SEPTIN4: variants seen among roughly 807,000 people sequenced by gnomAD.
SEPTIN4 encodes the protein septin-4.
In SEPTIN4, 52 loss-of-function variants were observed where a neutral mutation model predicts 107.1. That is an observed-to-expected ratio of 0.49 (90% CI 0.39 to 0.61). The LOEUF (loss-of-function observed/expected upper bound fraction) is 0.61, where lower values mean the gene tolerates loss of function less well. Ranked by LOEUF, SEPTIN4 falls within the 20% of genes least tolerant of loss-of-function variation. SEPTIN4 has a pLI of 0.00. For missense variants in SEPTIN4, 1,048 were observed against 1,243.5 expected (o/e 0.84, Z 2.36); for synonymous variants, 417 against 467.0 (o/e 0.89, Z 1.38).
chr17:58,541,606 G>T, intron 2 of SEPTIN4: 3 of 592,490 alleles, frequency 5.1e-6, no homozygotes, highest in Non-Finnish European at 8.5e-6. Flanking sequence ...GGTTTGCTTT[G>T]GTGTATTTTT....
Position 58,520,499 on chromosome 17 carries a change from A to G in SEPTIN4, c.2932-14T>C. ...CATCCGCCGCAGCTGGAATAGGCAC[A>G]GGCATCAAAATGGGGACTTTTGGAG... On this transcript the variant is annotated splice_polypyrimidine_tract_variant and intron_variant, in intron 13 of 13. Transcript: ENST00000672673. 6.2e-7 allele frequency: 1 copy of G among 1,613,634 alleles called. No individual in the cohort carries two copies. Among genetic ancestry groups the G allele is most frequent in the Non-Finnish European group, 8.5e-7 (1 of 1,179,898 alleles).
intron 3 of SEPTIN4, among the ~76,000 whole-genome samples, chr17:58,534,323 C>G (rs1325213060): frequency 6.6e-6 from 1 of 152,236 alleles, no homozygotes; most frequent in African/African-American, 2.4e-5. Flanking sequence ...GGCCTGGGCA[C>G]AAGTCCCATG....
chr17:58,535,225 G>A (rs1038419690), intron 3 of SEPTIN4, among the ~76,000 whole-genome samples: 2 of 152,248 alleles, frequency 1.3e-5, no homozygotes, highest in African/African-American at 4.8e-5. Flanking sequence ...CTGGGGGCAG[G>A]CATAAGGTGT....
chr17:58,532,159 G>C (rs897135699), intron 3 of SEPTIN4: 265 of 1,004,980 alleles, frequency 2.6e-4, no homozygotes, highest in Non-Finnish European at 3.0e-4. Flanking sequence ...TAGCGGTGCC[G>C]GCGCGAAGTG....
chr17:58,541,173 C>G (rs2043866599), intron 2 of SEPTIN4, among the ~76,000 whole-genome samples: 1 of 152,160 alleles, frequency 6.6e-6, no homozygotes, highest in South Asian at 2.1e-4. Flanking sequence ...ATGGAATTCC[C>G]AGGGCTCTCT....
At chr17:58,525,673 G>A (rs577205516) in intron 6 of SEPTIN4, 22 bp downstream of exon 6, 3 of 1,604,398 alleles carry the variant, frequency 1.9e-6, no homozygotes, top group Middle Eastern at 1.7e-4. Flanking sequence ...AAGTCTGCCT[G>A]ATTGTCCTCT....
rs141099292 is a variant in SEPTIN4, at chr17:58,521,461, C to T, written c.2571+84G>A. 4 of 1,570,082 alleles carry T rather than the reference C, an allele frequency of 2.5e-6. No individual in the cohort carries two copies. Among genetic ancestry groups the T allele is most frequent in the Admixed American group, 3.4e-5 (2 of 59,666 alleles). On this transcript the variant is annotated intron_variant, in intron 10 of 13. Transcript: ENST00000672673. The surrounding 1 kb of genome is among the most constrained non-coding windows in gnomAD (Gnocchi z 6.4). Reference sequence around the variant, plus strand: ...TAGGAAGCCAGGGTCCTTTCCCACCCTGATAGCCTGAATATAGAATTCTAC... The same window carrying T: ...TAGGAAGCCAGGGTCCTTTCCCACCTTGATAGCCTGAATATAGAATTCTAC...
At chr17:58,525,657 C>G (rs1263468884) in intron 6 of SEPTIN4, 38 bp downstream of exon 6, 2 of 1,579,150 alleles carry the variant, frequency 1.3e-6, no homozygotes, top group Non-Finnish European at 1.7e-6. Context: ...TTTAATTTCC[C>G]AAGGCAAGTC....
rs1177292087 is a variant in SEPTIN4, at chr17:58,524,180, C to T, written c.2216+898G>A. On this transcript the variant is annotated intron_variant, in intron 7 of 13. Transcript: ENST00000672673. ...TCTCATCCATTTCCCTCTTCATCTACTCACTTAGGTCTGACCATTACCTAA... is the reference window on the plus strand; with the variant it reads ...TCTCATCCATTTCCCTCTTCATCTATTCACTTAGGTCTGACCATTACCTAA... Among the ~76,000 whole-genome samples, 2 of 152,202 alleles carry T rather than the reference C, an allele frequency of 1.3e-5. 1 individual carries two copies. Among genetic ancestry groups the T allele is most frequent in the South Asian group, 4.1e-4 (2 of 4,834 alleles).
chr17:58,537,211 A>G (rs2043741681), intron 3 of SEPTIN4, among the ~76,000 whole-genome samples: 1 of 152,232 alleles, frequency 6.6e-6, no homozygotes, highest in Non-Finnish European at 1.5e-5. Context: ...CTCACTGTGA[A>G]GCCAGGACAT....
At chr17:58,541,261 G>C (rs1424152531) in intron 2 of SEPTIN4, among the ~76,000 whole-genome samples, 1 of 152,176 alleles carries the variant, frequency 6.6e-6, no homozygotes, top group African/African-American at 2.4e-5. Flanking sequence ...GGGCCACAAT[G>C]CTCACAGCAA....
Position 58,526,280 on chromosome 17 carries a change from G to A in SEPTIN4, c.1945C>T (p.Pro649Ser). The A allele has an allele frequency of 6.2e-7, 1 of 1,603,440 alleles. No homozygotes were observed. Among genetic ancestry groups the A allele is most frequent in the Non-Finnish European group, 8.5e-7 (1 of 1,174,750 alleles). Reference sequence around the variant, plus strand: ...ACGGACTTTCGGTGGACTTGGTTGGGGAGGGTTGCAAAGCCCACATACTCC... The same window carrying A: ...ACGGACTTTCGGTGGACTTGGTTGGAGAGGGTTGCAAAGCCCACATACTCC... Reference protein sequence around the residue: ...DKEYVGFATLPNQVHRKSVKK... With the variant: ...DKEYVGFATLSNQVHRKSVKK... Residue 649 changes from proline to serine, a missense_variant, in exon 5 of 14, where the codon CCC becomes TCC. Transcript: ENST00000672673.
chr17:58,528,631 G>A (rs546247568), intron 3 of SEPTIN4: 128 of 171,884 alleles, frequency 7.4e-4, no homozygotes, highest in Non-Finnish European at 5.0e-4. Flanking sequence ...TGGCAACAGA[G>A]AAGGGGTGGG....
At position 58,544,095 on chromosome 17, in the gene SEPTIN4, T is replaced by C. The variant is rs755814788; in HGVS notation, c.92A>G (p.His31Arg). 7 of 1,614,004 alleles carry C rather than the reference T, an allele frequency of 4.3e-6. No individual in the cohort carries two copies. In the African/African-American group the frequency reaches 6.7e-5, roughly 15 times the overall value. Residue 31 changes from histidine to arginine, a missense_variant, in exon 1 of 14, where the codon CAT (histidine) becomes CGT (arginine). By Grantham distance (29) the His-to-Arg change is conservative. This residue lies in a region of SEPTIN4 where 787 missense variants were observed against 871.8 expected (regional missense o/e 0.90). Coordinates refer to ENST00000672673, the MANE Select transcript of SEPTIN4 (RefSeq NM_001368771.2). ...VTTNTSPQQG[H>R]GYVLASSHRS... is the part of the protein sequence containing the mutation. The stretch of plus-strand genomic sequence containing the variant: ...ATGGCTTGAGGCAAGAACGTACCCA[T>C]GTCCCTGCTGAGGGGATGTGTTAGT...
chr17:58,540,349 T>G (rs1213324645), intron 3 of SEPTIN4, among the ~76,000 whole-genome samples: 1 of 152,182 alleles, frequency 6.6e-6, no homozygotes, highest in Non-Finnish European at 1.5e-5. Flanking sequence ...ACAGAGCACT[T>G]GGCAAGAGTC....
intron 3 of SEPTIN4, chr17:58,529,006 C>A: frequency 7.3e-7 from 1 of 1,361,120 alleles, no homozygotes; most frequent in Admixed American, 1.7e-5. Flanking sequence ...TCCATCCCCA[C>A]TCCCAGCTCT....
At chr17:58,524,446 C>A (rs896136419) in intron 7 of SEPTIN4, 1 of 152,152 alleles carries the variant, frequency 6.6e-6, no homozygotes, top group Non-Finnish European at 1.5e-5. Flanking sequence ...GTGTGCGGCA[C>A]CTAAAATGTT....
intron 5 of SEPTIN4, 26 bp from the exon 6 acceptor site, chr17:58,525,807 C>T (rs2042792221): frequency 1.3e-6 from 2 of 1,585,738 alleles, no homozygotes; most frequent in Admixed American, 3.3e-5. Context: ...ACAGAGGCAC[C>T]AAATCAGAAG....
At chr17:58,524,440 G>A (rs1056104166) in intron 7 of SEPTIN4, 9 of 152,208 alleles carry the variant, frequency 5.9e-5, no homozygotes, top group African/African-American at 2.2e-4. Flanking sequence ...AAGATTGTGT[G>A]CGGCACCTAA....
Sources: allele counts gnomAD v4.1 joint callset (sites outside exome capture counted in the v4.1 genomes callset), GRCh38; gene constraint gnomAD v4.1.1; regional missense constraint gnomAD v4.1.1; non-coding constraint Gnocchi (gnomAD v3.1); transcripts MANE v1.5; gene names NCBI Gene and HGNC (gene_info 2026-07-23, HGNC 2026-07-21).